The following DDX10 variants were observed in gnomAD, a reference collection of about 807,000 sequenced individuals.
The protein encoded by DDX10 is DEAD-box helicase 10, also known as probable ATP-dependent RNA helicase DDX10.
In DDX10, 74 loss-of-function variants were observed where a neutral mutation model predicts 104.3. The ratio of observed to expected loss-of-function variants is 0.71; its 90% CI spans 0.59 to 0.86. The LOEUF is 0.86. Ranked by LOEUF, DDX10 falls within the 40% of genes least tolerant of loss-of-function variation. The probability of loss-of-function intolerance (pLI) is 0.00; values close to 1 mark genes in which losing one functional copy is unlikely to be tolerated. For missense variants in DDX10, 952 were observed against 1,040.0 expected, an observed-to-expected ratio of 0.92 and a Z score of 1.16; for synonymous variants, 351 against 353.4, an observed-to-expected ratio of 0.99 and a Z score of 0.08.
At chr11:108,887,687 G>T (rs1294390206) in intron 16 of DDX10, among the ~76,000 whole-genome samples, 2 of 152,002 alleles carry the variant, frequency 1.3e-5, no homozygotes, top group Non-Finnish European at 2.9e-5. Flanking sequence ...GGCCAAGGCG[G>T]GTGGTTCACT....
chr11:108,787,453 T>G (rs1861810025), intron 13 of DDX10, among the ~76,000 whole-genome samples: 1 of 148,300 alleles, frequency 6.7e-6, no homozygotes, highest in African/African-American at 2.4e-5. Context: ...TTGCTTACAC[T>G]CTCTCCTTCT....
At chr11:108,928,276 A>G (rs959291138) in intron 17 of DDX10, among the ~76,000 whole-genome samples, 8 of 152,232 alleles carry the variant, frequency 5.3e-5, no homozygotes, top group Admixed American at 3.3e-4. Flanking sequence ...TCAGTGAATC[A>G]GTCTCTCTCC....
rs1177155998 is a variant in DDX10 at position 108,706,739 on chromosome 11, G to A, written c.1224G>A (p.Arg408=). 3 of 1,612,388 alleles carry A rather than the reference G, an allele frequency of 1.9e-6. No individual in the cohort carries two copies. The highest frequency in any genetic ancestry group is 2.5e-6 in the Non-Finnish European group (3 of 1,178,494). Residue 408 remains arginine, a splice_region_variant and synonymous_variant, in exon 10 of 18, where the codon AGG becomes AGA. Coordinates refer to ENST00000322536, the MANE Select transcript of DDX10 (RefSeq NM_004398.4). The part of the protein sequence containing the change: ...TYIHRAGRTA[R]YKEDGEALLI... ...AAAGATTTTGTTTCTTTTTGTTTAGGTACAAAGAGGATGGTGAAGCTTTGC... is the reference window on the plus strand; with the variant it reads ...AAAGATTTTGTTTCTTTTTGTTTAGATACAAAGAGGATGGTGAAGCTTTGC...
intron 8 of DDX10, 46 bp from the exon 9 acceptor site, chr11:108,693,470 G>T: frequency 7.3e-7 from 1 of 1,361,812 alleles, no homozygotes; most frequent in Non-Finnish European, 1.1e-6. Context: ...GTGCAGCAGG[G>T]CAGATCTTGC....
intron 16 of DDX10, among the ~76,000 whole-genome samples, chr11:108,891,434 A>T (rs1490389896): frequency 3.3e-5 from 5 of 151,992 alleles, no homozygotes; most frequent in African/African-American, 1.2e-4. Context: ...TATCCAGTTG[A>T]CTCTTACATG....
chr11:108,706,860 A>G lies in DDX10; in HGVS notation c.1322+23A>G, dbSNP rs1266203213. On this transcript the variant is annotated intron_variant, in intron 10 of 17. Transcript: ENST00000322536. ...CAAGTAAGAGCTACTTGTTGTCTTT[A>G]TGTTTTTAGGAAAATGAGGGCATGA... is the stretch of plus-strand genomic sequence containing the variant. 4.4e-6 allele frequency: 7 copies of G among 1,592,682 alleles called. No individual in the cohort carries two copies. In the East Asian group the frequency reaches 6.7e-5, roughly 15 times the overall value.
At chr11:108,915,627 C>G (rs1158672777) in intron 16 of DDX10, among the ~76,000 whole-genome samples, 1 of 152,012 alleles carries the variant, frequency 6.6e-6, no homozygotes, top group Non-Finnish European at 1.5e-5. Flanking sequence ...CACTAAAGAT[C>G]CATTCAAAGT....
chr11:108,851,908 C>T (rs938687992), intron 15 of DDX10, among the ~76,000 whole-genome samples: 1 of 152,060 alleles, frequency 6.6e-6, no homozygotes, highest in Non-Finnish European at 1.5e-5. Context: ...ATTTGAAAGT[C>T]AGTACTAACC....
chr11:108,932,151 A>G (rs908337174), intron 17 of DDX10, among the ~76,000 whole-genome samples: 2 of 152,002 alleles, frequency 1.3e-5, no homozygotes, highest in Admixed American at 6.5e-5. Context: ...TAGACAATAC[A>G]TAAACAAGGG....
rs1334171445 is a variant in DDX10, at chr11:108,677,096, C to T, written c.390C>T (p.Ala130=). 1.4e-5 allele frequency: 22 copies of T among 1,611,126 alleles called. No homozygotes were observed. Among genetic ancestry groups the T allele is most frequent in the Non-Finnish European group, 1.9e-5 (22 of 1,178,332 alleles). Residue 130 remains alanine, a synonymous_variant, in exon 4 of 18, where the codon GCC becomes GCT. Coordinates refer to ENST00000322536, the MANE Select transcript of DDX10 (RefSeq NM_004398.4). ...TLAFLVPVLE[A]LYRLQWTSTD... ...GCTGTCTTTTTGAGGTGCTGGAAGC[C>T]TTATATCGTCTGCAATGGACTTCAA...
Position 108,673,527 on chromosome 11 carries a change from G to T in DDX10, c.247G>T (p.Gly83Cys). The stretch of plus-strand genomic sequence containing the variant: ...TCCCTTGTCCAAAAAAACATTGAAA[G>T]GTAAGTATATGGTGATCTTGGGATG... ...DFPLSKKTLK[G>C]LQEAQYRLVT... is the part of the protein sequence containing the mutation. Residue 83 changes from glycine to cysteine, a missense_variant and splice_region_variant, in exon 2 of 18, where the codon GGT (glycine) becomes TGT (cysteine). Gly to Cys is a radical substitution (Grantham distance 159). This residue lies in a region of DDX10 where 412 missense variants were observed against 479.2 expected (regional missense o/e 0.86). Coordinates refer to ENST00000322536, the MANE Select transcript of DDX10 (RefSeq NM_004398.4). 1 of 1,586,880 alleles carries T rather than the reference G, an allele frequency of 6.3e-7. No homozygotes were observed. Among genetic ancestry groups the T allele is most frequent in the Non-Finnish European group, 8.6e-7 (1 of 1,156,222 alleles).
At chr11:108,908,544 C>T (rs1007967967) in intron 16 of DDX10, among the ~76,000 whole-genome samples, 1 of 152,116 alleles carries the variant, frequency 6.6e-6, no homozygotes, top group Non-Finnish European at 1.5e-5. Flanking sequence ...CATGTAGGAA[C>T]GTAATAAAGA....
chr11:108,874,265 A>G lies in DDX10; in HGVS notation c.2304+22056A>G, dbSNP rs573402354. ...TGCTTAGTGGAAAAATTGCATGACA[A>G]TTAGAACTGTTGAGAAACAGAATGA... On this transcript the variant is annotated intron_variant, in intron 16 of 17. Coordinates refer to ENST00000322536, the MANE Select transcript of DDX10 (RefSeq NM_004398.4). Among the ~76,000 whole-genome samples the G allele has an allele frequency of 7.2e-5, 11 of 152,298 alleles. No homozygotes were observed. In the South Asian group the frequency reaches 2.1e-3, roughly 29 times the overall value.
At chr11:108,894,877 G>A (rs1863420811) in intron 16 of DDX10, among the ~76,000 whole-genome samples, 2 of 151,970 alleles carry the variant, frequency 1.3e-5, no homozygotes, top group African/African-American at 4.8e-5. Context: ...CTACTGGAAA[G>A]AGTATTATAA....
intron 16 of DDX10, among the ~76,000 whole-genome samples, chr11:108,884,238 A>G (rs182923383): frequency 1.6e-3 from 240 of 152,150 alleles, no homozygotes; most frequent in African/African-American, 5.6e-3. Context: ...TACCTCTCCA[A>G]GTCTTCTCCA....
chr11:108,848,370 TGA>T (rs1412599959), intron 15 of DDX10, among the ~76,000 whole-genome samples: 1 of 152,196 alleles, frequency 6.6e-6, no homozygotes, highest in Non-Finnish European at 1.5e-5. Flanking sequence ...AGTGTCATCT[TGA>T]GGACAAGGGA....
rs913306209 is a variant in DDX10, at chr11:108,704,329, T to C, written c.1224-2410T>C. Among the ~76,000 whole-genome samples, 29 of 152,316 alleles carry C rather than the reference T, an allele frequency of 1.9e-4. 3 individuals carry two copies. The highest frequency in any genetic ancestry group is 1.3e-3 in the Admixed American group (20 of 15,300). On this transcript the variant is annotated intron_variant, in intron 9 of 17. Transcript: ENST00000322536. The stretch of plus-strand genomic sequence containing the variant: ...CTTGAATATAGAGTATTAAAAGGAT[T>C]GACTGTTGCCTAGCCCTCAGCTCAC...
chr11:108,860,245 C>A (rs1862923270), intron 16 of DDX10, among the ~76,000 whole-genome samples: 1 of 152,090 alleles, frequency 6.6e-6, no homozygotes, highest in Admixed American at 6.5e-5. Context: ...ATTATCATAG[C>A]TTAAAAGTAT....
intron 9 of DDX10, among the ~76,000 whole-genome samples, chr11:108,701,225 G>A (rs2094267380): frequency 6.6e-6 from 1 of 151,902 alleles, no homozygotes; most frequent in African/African-American, 2.4e-5. Flanking sequence ...GTACCATGTT[G>A]TGCAGGAGGA....
Sources: allele counts gnomAD v4.1 joint callset (sites outside exome capture counted in the v4.1 genomes callset), GRCh38; gene constraint gnomAD v4.1.1; regional missense constraint gnomAD v4.1.1; transcripts MANE v1.5; gene names NCBI Gene and HGNC (gene_info 2026-07-23, HGNC 2026-07-21).